The following PTGER3 variants were observed in gnomAD, a reference collection of about 807,000 sequenced individuals.
The protein encoded by PTGER3 is prostaglandin E receptor 3.
In PTGER3, 22 loss-of-function variants were observed where a neutral mutation model predicts 34.7. That is an observed-to-expected ratio of 0.63 (90% CI 0.45 to 0.91). The LOEUF (loss-of-function observed/expected upper bound fraction) is 0.91. Among genes scored for constraint, PTGER3 ranks in the 40% least tolerant of loss-of-function variants. The pLI, the probability that PTGER3 is intolerant of heterozygous loss-of-function variation, is 0.00. For missense variants in PTGER3, 468 were observed against 519.4 expected (o/e 0.90, Z 0.96); for synonymous variants, 241 against 230.1 (o/e 1.05, Z -0.43).
intron 1 of PTGER3, among the ~76,000 whole-genome samples, chr1:71,019,341 G>C (rs1171090623): frequency 6.6e-6 from 1 of 152,136 alleles, no homozygotes; most frequent in Non-Finnish European, 1.5e-5. Context: ...CAAATGATCT[G>C]GTCAAGGGAG....
At chr1:70,964,205 T>C (rs749087636) in intron 2 of PTGER3, among the ~76,000 whole-genome samples, 1 of 152,112 alleles carries the variant, frequency 6.6e-6, no homozygotes, top group South Asian at 2.1e-4. Context: ...GCCCTCCAAT[T>C]CTCTAGGAAG....
intron 4 of PTGER3, among the ~76,000 whole-genome samples, chr1:70,860,662 T>C (rs887621407): frequency 2.0e-5 from 3 of 152,184 alleles, no homozygotes; most frequent in Non-Finnish European, 4.4e-5. Context: ...TTGACTTCAA[T>C]AGTCATCATT....
At chr1:70,888,463 A>G (rs1009457613) in intron 4 of PTGER3, among the ~76,000 whole-genome samples, 1 of 152,198 alleles carries the variant, frequency 6.6e-6, no homozygotes, top group Non-Finnish European at 1.5e-5. Flanking sequence ...ACTACATTCA[A>G]GCAAATTAAT....
intron 4 of PTGER3, among the ~76,000 whole-genome samples, chr1:70,944,108 CT>C (rs1414495828): frequency 1.3e-5 from 2 of 152,026 alleles, no homozygotes; most frequent in Non-Finnish European, 2.9e-5. Flanking sequence ...TTTTTAATCA[CT>C]CAAGTCATTC....
At chr1:70,911,236 T>C (rs965550059) in intron 4 of PTGER3, among the ~76,000 whole-genome samples, 3 of 151,090 alleles carry the variant, frequency 2.0e-5, no homozygotes, top group African/African-American at 2.4e-5. Context: ...CAAGCAAACA[T>C]ACTAGATTGG....
intron 2 of PTGER3, among the ~76,000 whole-genome samples, chr1:70,985,311 C>T (rs1557713319): frequency 6.6e-6 from 1 of 152,140 alleles, no homozygotes; most frequent in African/African-American, 2.4e-5. Context: ...TTCCCTGACT[C>T]TCCTCCAGCC....
chr1:70,884,256 T>C (rs989853157), intron 4 of PTGER3, among the ~76,000 whole-genome samples: 2 of 152,174 alleles, frequency 1.3e-5, no homozygotes, highest in South Asian at 4.2e-4. Context: ...TCTGATAGCC[T>C]CCAAGATATC....
chr1:70,852,737 A>G (rs1645708473), exon 5 of PTGER3: 3 of 1,398,760 alleles, frequency 2.1e-6, no homozygotes, highest in East Asian at 2.3e-5. Context: ...AAGAAGTAAA[A>G]GAGAATAGTT....
At chr1:70,944,242 A>T (rs1650016989) in intron 4 of PTGER3, among the ~76,000 whole-genome samples, 1 of 152,174 alleles carries the variant, frequency 6.6e-6, no homozygotes, top group South Asian at 2.1e-4. Flanking sequence ...AGGGACATAG[A>T]GATATATGAC....
intron 1 of PTGER3, among the ~76,000 whole-genome samples, chr1:71,039,278 C>T (rs1244503851): frequency 1.3e-5 from 2 of 151,852 alleles, no homozygotes; most frequent in African/African-American, 4.8e-5. Context: ...AGAGAGCTAA[C>T]TAGAAGCTGT....
chr1:70,864,121 C>G (rs1409258084), intron 4 of PTGER3, among the ~76,000 whole-genome samples: 1 of 152,148 alleles, frequency 6.6e-6, no homozygotes, highest in Non-Finnish European at 1.5e-5. Flanking sequence ...TTTACACATG[C>G]CATTCCCTTT....
chr1:70,885,238 T>C (rs1246818081), intron 4 of PTGER3, among the ~76,000 whole-genome samples: 5 of 152,188 alleles, frequency 3.3e-5, no homozygotes, highest in African/African-American at 1.2e-4. Context: ...GTGGTTGCTC[T>C]GAAGCAATAG....
In PTGER3 at chr1:71,012,453, G is replaced by A. The variant is rs769489266; in HGVS notation, c.929C>T (p.Thr310Ile). 4 of 1,613,626 alleles carry A rather than the reference G, an allele frequency of 2.5e-6. No homozygotes were observed. Among genetic ancestry groups the A allele is most frequent in the East Asian group, 2.2e-5 (1 of 44,876 alleles). ...IMMLKMIFNQ[T>I]SVEHCKTHTE... ...GTGTGTCTTGCAGTGCTCAACTGAT[G>A]TCTGATTGAAGATCATTTTCAACAT... is the stretch of plus-strand genomic sequence containing the variant. The change falls in exon 2 of 4, where the codon ACA becomes ATA. Residue 310 changes from threonine to isoleucine, a missense_variant. Around this residue, in one of 5 missense-constraint regions of PTGER3, gnomAD observed 204 missense variants for 230.8 expected, o/e 0.88. Transcript: ENST00000306666.
chr1:70,882,146 A>G (rs1334227715), intron 4 of PTGER3, among the ~76,000 whole-genome samples: 1 of 152,208 alleles, frequency 6.6e-6, no homozygotes, highest in East Asian at 1.9e-4. Context: ...TTTGCCTGCT[A>G]GCTGAGTTCA....
intron 3 of PTGER3, chr1:70,953,735 T>A (rs772499186): frequency 6.5e-7 from 1 of 1,537,956 alleles, no homozygotes; most frequent in South Asian, 1.2e-5. Context: ...CAAATGCAAC[T>A]AGTTTTAATA....
chr1:70,913,244 AT>A (rs979106418), intron 4 of PTGER3, among the ~76,000 whole-genome samples: 15 of 151,842 alleles, frequency 9.9e-5, no homozygotes, highest in Admixed American at 3.9e-4. Context: ...AATATTTCAT[AT>A]TTTTGATGCT....
At chr1:71,027,343 G>A (rs1659021426) in intron 1 of PTGER3, among the ~76,000 whole-genome samples, 1 of 151,902 alleles carries the variant, frequency 6.6e-6, no homozygotes. Context: ...TTAAATTTTT[G>A]TAGAGACAGG....
intron 1 of PTGER3, among the ~76,000 whole-genome samples, chr1:71,024,050 T>C (rs1658664368): frequency 6.7e-6 from 1 of 149,656 alleles, no homozygotes; most frequent in Non-Finnish European, 1.5e-5. Context: ...TTGCCCTGAG[T>C]ATAAAGTCCA....
chr1:70,971,751 GAA>G lies in PTGER3; in HGVS notation c.1170-20_1170-19del, dbSNP rs751600392. On this transcript the variant is annotated intron_variant, in intron 3 of 3. Coordinates refer to ENST00000306666, the MANE Select transcript of PTGER3 (RefSeq NM_198719.2). The stretch of plus-strand genomic sequence containing the variant: ...TTCATTATCTGTTAGAATAGAGAGA[GAA>G]AGATGCAATAAGCATGGATGGGGAT... 1.3e-6 allele frequency: 2 copies of G among 1,505,706 alleles called. No homozygotes were observed. Among genetic ancestry groups the G allele is most frequent in the South Asian group, 2.6e-5 (2 of 78,110 alleles). The allele number at this position is 1,505,706 out of a possible 1,614,324, so 93.3% of individuals were successfully genotyped here. A position where few individuals can be genotyped will look rare whatever the true frequency, so the allele number is the denominator to read the frequency against.
Sources: allele counts gnomAD v4.1 joint callset (sites outside exome capture counted in the v4.1 genomes callset), GRCh38; gene constraint gnomAD v4.1.1; regional missense constraint gnomAD v4.1.1; transcripts MANE v1.5; gene names NCBI Gene and HGNC (gene_info 2026-07-23, HGNC 2026-07-21).